Variants in GRK5 observed in about 807,000 individuals in gnomAD.
The protein encoded by GRK5 is G protein-coupled receptor kinase 5, also known as g protein-coupled receptor kinase GRK5.
Under a neutral mutation model 78.4 loss-of-function variants are expected in GRK5, and 40 were observed. The ratio of observed to expected loss-of-function variants is 0.51; its 90% CI spans 0.40 to 0.66. GRK5 has a LOEUF of 0.66. Among genes scored for constraint, GRK5 ranks in the 30% least tolerant of loss-of-function variants. GRK5 has a pLI of 0.00. For synonymous variants in GRK5, 289 were observed against 296.8 expected (o/e 0.97, Z 0.27); for missense variants, 598 against 759.9 (o/e 0.79, Z 2.50).
chr10:119,432,351 G>A (rs909012221), intron 8 of GRK5, among the ~76,000 whole-genome samples: 3 of 152,248 alleles, frequency 2.0e-5, no homozygotes, highest in African/African-American at 7.2e-5. Flanking sequence ...AGAAGGCTGA[G>A]GCAGGAGGAT....
chr10:119,437,568 T>C (rs1022353193), intron 9 of GRK5, among the ~76,000 whole-genome samples: 1 of 152,244 alleles, frequency 6.6e-6, no homozygotes, highest in Non-Finnish European at 1.5e-5. Context: ...GTGGAATCTC[T>C]AGTTGCTGTA....
At chr10:119,226,703 C>A (rs1396997856) in intron 1 of GRK5, among the ~76,000 whole-genome samples, 1 of 151,594 alleles carries the variant, frequency 6.6e-6, no homozygotes, top group Non-Finnish European at 1.5e-5. Flanking sequence ...TGCTACCATG[C>A]CCGGCTTTTT....
At chr10:119,250,578 G>A (rs962500677) in intron 1 of GRK5, among the ~76,000 whole-genome samples, 5 of 149,182 alleles carry the variant, frequency 3.4e-5, no homozygotes, top group Non-Finnish European at 5.9e-5. Flanking sequence ...TGAACTCCTG[G>A]ACTCAAATGA....
intron 1 of GRK5, among the ~76,000 whole-genome samples, chr10:119,291,585 T>TTCC (rs1379567860): frequency 4.1e-5 from 3 of 72,496 alleles, no homozygotes; most frequent in South Asian, 9.9e-4. Flanking sequence ...CCTCCTCCTC[T>TTCC]TCCTCCTCCT....
At position 119,398,234 on chromosome 10, in the gene GRK5, C is replaced by T. The variant is rs900726714; in HGVS notation, c.339+1462C>T. ...ATATTGGTGGGGCTCTGGCTAGATA[C>T]ATTTTTGATCTCCTGGCCACCACTC... On this transcript the variant is annotated intron_variant, in intron 4 of 15. Transcript: ENST00000392870. Among the ~76,000 whole-genome samples the T allele has an allele frequency of 2.1e-3, 317 of 152,284 alleles. 1 individual carries two copies. Among genetic ancestry groups the T allele is most frequent in the African/African-American group, 7.4e-3 (308 of 41,574 alleles).
At chr10:119,212,137 G>T (rs77665146) in intron 1 of GRK5, among the ~76,000 whole-genome samples, 2 of 151,862 alleles carry the variant, frequency 1.3e-5, no homozygotes, top group East Asian at 1.9e-4. Context: ...ACACAATGCC[G>T]TTAAATCAAA....
At chr10:119,428,253 GCC>G (rs1441284918) in intron 6 of GRK5, among the ~76,000 whole-genome samples, 5 of 152,358 alleles carry the variant, frequency 3.3e-5, no homozygotes. Context: ...ACCAGCTAGG[GCC>G]TCGGGCAACT....
chr10:119,374,493 T>TGACGTACCCTCTGTTGGC (rs1851594291), intron 2 of GRK5, among the ~76,000 whole-genome samples: 1 of 152,194 alleles, frequency 6.6e-6, no homozygotes, highest in Non-Finnish European at 1.5e-5. Context: ...CCTCTGTTGG[T>TGACGTACCCTCTGTTGGC]TGACGTACCC....
intron 1 of GRK5, among the ~76,000 whole-genome samples, chr10:119,247,403 G>C (rs1849131057): frequency 6.6e-6 from 1 of 152,204 alleles, no homozygotes; most frequent in Non-Finnish European, 1.5e-5. Context: ...GTTCATGCCA[G>C]TGGAGCAAAC....
intron 11 of GRK5, among the ~76,000 whole-genome samples, chr10:119,442,870 G>A (rs1433823094): frequency 6.6e-6 from 1 of 152,164 alleles, no homozygotes; most frequent in African/African-American, 2.4e-5. Context: ...AATGCTGATC[G>A]ATGATTGATA....
At chr10:119,395,125 C>T (rs1201370821) in intron 3 of GRK5, among the ~76,000 whole-genome samples, 1 of 143,616 alleles carries the variant, frequency 7.0e-6, no homozygotes, top group African/African-American at 2.5e-5. Flanking sequence ...AAGTCCCTGA[C>T]TTCTCTGAGC....
At chr10:119,388,981 A>G (rs1379139982) in intron 3 of GRK5, among the ~76,000 whole-genome samples, 1 of 151,288 alleles carries the variant, frequency 6.6e-6, no homozygotes, top group Admixed American at 6.6e-5. Context: ...AGTGCCCTCT[A>G]TGACCTAGCC....
Position 119,255,689 on chromosome 10 carries a change from C to G in GRK5, c.52+47720C>G, listed in dbSNP as rs1246592144. Among the ~76,000 whole-genome samples the G allele has an allele frequency of 2.0e-5, 3 of 152,374 alleles. 1 individual carries two copies. In the South Asian group the frequency reaches 6.2e-4, roughly 32 times the overall value. On this transcript the variant is annotated intron_variant, in intron 1 of 15. Transcript: ENST00000392870. Reference sequence around the variant, plus strand: ...CCGTTCCCGCCATGCCTGCTGCCCCCTGTCCTGGTGTGTTTTCTGCCCATT... The same window carrying G: ...CCGTTCCCGCCATGCCTGCTGCCCCGTGTCCTGGTGTGTTTTCTGCCCATT...
chr10:119,349,098 A>T (rs1020302109), intron 2 of GRK5, among the ~76,000 whole-genome samples: 4 of 152,098 alleles, frequency 2.6e-5, no homozygotes, highest in African/African-American at 9.7e-5. Flanking sequence ...CAGTGGGGAG[A>T]GGTTAAACAC....
At chr10:119,400,898 C>G (rs1852138772) in intron 4 of GRK5, among the ~76,000 whole-genome samples, 1 of 152,172 alleles carries the variant, frequency 6.6e-6, no homozygotes, top group Non-Finnish European at 1.5e-5. Flanking sequence ...TGTCTTGAGT[C>G]TCTGGGTGTA....
At position 119,372,416 on chromosome 10, in the gene GRK5, C is replaced by G. The variant is rs970366043; in HGVS notation, c.149-8399C>G. Among the ~76,000 whole-genome samples the G allele has an allele frequency of 3.3e-5, 5 of 152,226 alleles. No individual in the cohort carries two copies. The East Asian group carries it at 7.7e-4, about 23-fold the overall frequency. On this transcript the variant is annotated intron_variant, in intron 2 of 15. Coordinates refer to ENST00000392870, the MANE Select transcript of GRK5 (RefSeq NM_005308.3). Reference sequence around the variant, plus strand: ...GCCCCATCTTGCTGTGGTGTCCTGACAGTGTAGCACTTTACTGCAAAGCCT... The same window carrying G: ...GCCCCATCTTGCTGTGGTGTCCTGAGAGTGTAGCACTTTACTGCAAAGCCT...
At chr10:119,239,235 G>A (rs1848981205) in intron 1 of GRK5, among the ~76,000 whole-genome samples, 1 of 150,402 alleles carries the variant, frequency 6.6e-6, no homozygotes, top group African/African-American at 2.5e-5. Context: ...AGGAGCAGAA[G>A]GTTTTTTTTT....
At chr10:119,454,517 C>G (rs540356173) in intron 15 of GRK5, among the ~76,000 whole-genome samples, 1 of 152,320 alleles carries the variant, frequency 6.6e-6, no homozygotes, top group East Asian at 1.9e-4. Context: ...TGGGAACGAC[C>G]GCCCATCTCT....
intron 1 of GRK5, among the ~76,000 whole-genome samples, chr10:119,246,019 C>CAAAAAA (rs941734040): frequency 5.7e-4 from 8 of 14,034 alleles, no homozygotes; most frequent in Non-Finnish European, 8.2e-4. Flanking sequence ...GACTCCATCT[C>CAAAAAA]AAAAAAAAAA....
Sources: gnomAD v4.1 joint callset for allele counts (sites outside exome capture counted in the v4.1 genomes callset) on GRCh38, gnomAD v4.1.1 for gene constraint, MANE v1.5 for transcripts, NCBI Gene and HGNC (gene_info 2026-07-23, HGNC 2026-07-21) for gene names.